The following SPSB1 variants were observed in gnomAD, a reference collection of about 807,000 sequenced individuals.
SPSB1 encodes the protein splA/ryanodine receptor domain and SOCS box containing 1.
SPSB1 carries 8 observed loss-of-function variants against 21.2 expected under a neutral mutation model. That is an observed-to-expected ratio of 0.38 (90% CI 0.22 to 0.68). SPSB1 has a LOEUF of 0.68. Among genes scored for constraint, SPSB1 ranks in the 30% least tolerant of loss-of-function variants. SPSB1 has a pLI of 0.53. For synonymous variants in SPSB1, 169 were observed against 161.7 expected, an observed-to-expected ratio of 1.05 and a Z score of -0.34; for missense variants, 242 against 377.8, an observed-to-expected ratio of 0.64 and a Z score of 2.98.
At chr1:9,333,937 T>C (rs1340125910) in intron 1 of SPSB1, among the ~76,000 whole-genome samples, 1 of 152,190 alleles carries the variant, frequency 6.6e-6, no homozygotes. Context: ...GCCACATTCC[T>C]TCTCATTTTT....
rs1343601562 is a variant in SPSB1, at chr1:9,369,259, C to T, written c.*1684C>T. On this transcript the variant is annotated 3_prime_UTR_variant, in exon 3 of 3. Transcript: ENST00000328089. The stretch of plus-strand genomic sequence containing the variant: ...CTGTAAGACTTTTAAAGATTTTCCT[C>T]CCTCCTGTTTCAGGTGGGTCACATT... The T allele has an allele frequency of 6.6e-6, 1 of 151,796 alleles. No homozygotes were observed. The highest frequency in any genetic ancestry group is 1.5e-5 in the Non-Finnish European group (1 of 67,922). 9.4% of individuals were successfully genotyped at this position (151,796 alleles called of 1,614,324 possible).
intron 1 of SPSB1, among the ~76,000 whole-genome samples, chr1:9,328,070 T>G (rs1639845580): frequency 6.6e-6 from 1 of 152,232 alleles, no homozygotes; most frequent in South Asian, 2.1e-4. Flanking sequence ...GAGAGTTCGC[T>G]TAGCTGGAGC....
At chr1:9,344,653 C>T (rs1312689578) in intron 1 of SPSB1, among the ~76,000 whole-genome samples, 2 of 151,766 alleles carry the variant, frequency 1.3e-5, no homozygotes, top group Non-Finnish European at 2.9e-5. Context: ...TCTATGGTGA[C>T]ATCATGAACG....
At chr1:9,331,266 C>A (rs1569610700) in intron 1 of SPSB1, among the ~76,000 whole-genome samples, 1 of 116,862 alleles carries the variant, frequency 8.6e-6, no homozygotes, top group African/African-American at 3.5e-5. Context: ...CAGGAAGTGG[C>A]CGCACCTCTG....
intron 1 of SPSB1, among the ~76,000 whole-genome samples, chr1:9,342,281 C>G (rs1640103064): frequency 6.6e-6 from 1 of 152,174 alleles, no homozygotes; most frequent in African/African-American, 2.4e-5. Flanking sequence ...GTGACGATCC[C>G]TCCGTGAGAA....
At chr1:9,353,976 A>AC (rs1325983155) in intron 1 of SPSB1, among the ~76,000 whole-genome samples, 1 of 151,424 alleles carries the variant, frequency 6.6e-6, no homozygotes, top group Non-Finnish European at 1.5e-5. Flanking sequence ...GAGAAGCATG[A>AC]CCTGGCCCCT....
intron 1 of SPSB1, among the ~76,000 whole-genome samples, chr1:9,352,578 C>A (rs1055028494): frequency 2.0e-5 from 3 of 152,154 alleles, no homozygotes; most frequent in African/African-American, 4.8e-5. Flanking sequence ...AGCTGATCTC[C>A]GGTCTCGCTG....
chr1:9,359,328 G>A (rs370544293), intron 2 of SPSB1, among the ~76,000 whole-genome samples: 5 of 152,206 alleles, frequency 3.3e-5, no homozygotes, highest in South Asian at 2.1e-4. Flanking sequence ...AGGGTGAGGC[G>A]CGGGTGTTAG....
In SPSB1 at chr1:9,356,692, C is replaced by A; in HGVS notation, c.694+107C>A. 6.8e-7 allele frequency: 1 copy of A among 1,465,398 alleles called. No homozygotes were observed. Among genetic ancestry groups the A allele is most frequent in the South Asian group, 1.4e-5 (1 of 70,432 alleles). 90.8% of individuals were successfully genotyped at this position (1,465,398 alleles called of 1,614,324 possible). A position where few individuals can be genotyped will look rare whatever the true frequency, so the allele number is the denominator to read the frequency against. On this transcript the variant is annotated intron_variant, in intron 2 of 2. Coordinates refer to ENST00000328089, the MANE Select transcript of SPSB1 (RefSeq NM_025106.4). The surrounding 1 kb of genome is among the most constrained non-coding windows in gnomAD (Gnocchi z 7.4). Reference sequence around the variant, plus strand: ...CATTGGAACTAGAGTGTTTTGAAGACGATATTCCAGTGTATTCAGACCCTC... The same window carrying A: ...CATTGGAACTAGAGTGTTTTGAAGAAGATATTCCAGTGTATTCAGACCCTC...
At chr1:9,306,692 C>T (rs775585329) in intron 1 of SPSB1, among the ~76,000 whole-genome samples, 5 of 152,020 alleles carry the variant, frequency 3.3e-5, no homozygotes, top group South Asian at 2.1e-4. Context: ...AAAAGAGGAG[C>T]GAGGAAGAAA....
intron 1 of SPSB1, among the ~76,000 whole-genome samples, chr1:9,337,445 C>T (rs1483411875): frequency 4.0e-5 from 6 of 151,460 alleles, no homozygotes; most frequent in Non-Finnish European, 5.9e-5. Flanking sequence ...ATTGTTCACT[C>T]GTTTTAACTT....
chr1:9,310,187 A>G (rs1158346759), intron 1 of SPSB1, among the ~76,000 whole-genome samples: 1 of 146,166 alleles, frequency 6.8e-6, no homozygotes, highest in Non-Finnish European at 1.5e-5. Flanking sequence ...GCCATCTGTG[A>G]TGATGCTCCT....
chr1:9,313,912 A>G (rs1237678890), intron 1 of SPSB1, among the ~76,000 whole-genome samples: 1 of 152,194 alleles, frequency 6.6e-6, no homozygotes, highest in Non-Finnish European at 1.5e-5. Flanking sequence ...GCTGTGGCTC[A>G]CGCCTGTAAT....
At chr1:9,339,853 C>T (rs1174001203) in intron 1 of SPSB1, among the ~76,000 whole-genome samples, 6 of 152,220 alleles carry the variant, frequency 3.9e-5, no homozygotes, top group Admixed American at 1.3e-4. Context: ...CTGCTCCTTC[C>T]GTGGCACAGG....
At position 9,362,925 on chromosome 1, in the gene SPSB1, G is replaced by A. The variant is rs533880340; in HGVS notation, c.695-4523G>A. 2.0e-5 allele frequency among the ~76,000 whole-genome samples: 3 copies of A among 152,354 alleles called. No individual in the cohort carries two copies. The East Asian group carries it at 5.8e-4, about 29-fold the overall frequency. ...ATGAGCGCCTAAGCTTCCTGGGGATGGGCATAGCAGCCAGAGGCCCCAGGC... is the reference window on the plus strand; with the variant it reads ...ATGAGCGCCTAAGCTTCCTGGGGATAGGCATAGCAGCCAGAGGCCCCAGGC... On this transcript the variant is annotated intron_variant, in intron 2 of 2. Transcript: ENST00000328089.
At chr1:9,364,647 C>T (rs1178863033) in intron 2 of SPSB1, among the ~76,000 whole-genome samples, 1 of 152,206 alleles carries the variant, frequency 6.6e-6, no homozygotes, top group African/African-American at 2.4e-5. Context: ...CCAATCAGAG[C>T]TCCTCTTAAT....
rs1640156625 is a variant in SPSB1 at position 9,345,591 on chromosome 1, C to T, written c.-149-10152C>T. Reference sequence around the variant, plus strand: ...TGTCCTCGCCACCCTGACTAAGCTACAGCTGCGATATATTGTAATTTTCAG... The same window carrying T: ...TGTCCTCGCCACCCTGACTAAGCTATAGCTGCGATATATTGTAATTTTCAG... On this transcript the variant is annotated intron_variant, in intron 1 of 2. Coordinates refer to ENST00000328089, the MANE Select transcript of SPSB1 (RefSeq NM_025106.4). This position sits in a 1 kb window ranked among gnomAD's most constrained non-coding sequence, Gnocchi z 4.8. 6.6e-6 allele frequency among the ~76,000 whole-genome samples: 1 copy of T among 152,212 alleles called. No individual in the cohort carries two copies.
chr1:9,329,595 G>A (rs1639880595), intron 1 of SPSB1, among the ~76,000 whole-genome samples: 1 of 151,778 alleles, frequency 6.6e-6, no homozygotes, highest in Non-Finnish European at 1.5e-5. Flanking sequence ...TCAGGAGGCT[G>A]AGGCAGGAGA....
rs1302697354 is a variant in SPSB1, at chr1:9,348,795, C to T, written c.-149-6948C>T. On this transcript the variant is annotated intron_variant, in intron 1 of 2. Coordinates refer to ENST00000328089, the MANE Select transcript of SPSB1 (RefSeq NM_025106.4). The surrounding 1 kb of genome is among the most constrained non-coding windows in gnomAD (Gnocchi z 4.8). ...ATCTGCTTAGAGCCCAGGCTGCCAC[C>T]GAGAAATCCAGTAGGGTCACGCGGC... Among the ~76,000 whole-genome samples the T allele has an allele frequency of 6.6e-6, 1 of 152,108 alleles. No individual in the cohort carries two copies. The highest frequency in any genetic ancestry group is 6.5e-5 in the Admixed American group (1 of 15,282).
Sources: gnomAD v4.1 joint callset for allele counts (sites outside exome capture counted in the v4.1 genomes callset) on GRCh38, gnomAD v4.1.1 for gene constraint, Gnocchi (gnomAD v3.1) non-coding constraint, MANE v1.5 for transcripts, NCBI Gene and HGNC (gene_info 2026-07-23, HGNC 2026-07-21) for gene names.